MACROD2: variants seen among roughly 807,000 people sequenced by gnomAD.
MACROD2 encodes ADP-ribose glycohydrolase MACROD2.
A neutral mutation model predicts 70.4 loss-of-function variants in MACROD2; 36 were observed. The ratio of observed to expected loss-of-function variants is 0.51; its 90% CI spans 0.39 to 0.68. MACROD2 has a LOEUF of 0.68. MACROD2 is among the 30% of genes least tolerant of loss of function. The pLI, the probability that MACROD2 is intolerant of heterozygous loss-of-function variation, is 0.00. For missense variants in MACROD2, 496 were observed against 538.4 expected (o/e 0.92, Z 0.78); for synonymous variants, 172 against 178.8 (o/e 0.96, Z 0.30).
intron 2 of MACROD2, among the ~76,000 whole-genome samples, chr20:14,032,901 T>C (rs1022450398): frequency 2.0e-5 from 3 of 152,170 alleles, no homozygotes; most frequent in South Asian, 2.1e-4. Flanking sequence ...TTCTGATCTT[T>C]AGTAAGTGCT....
At chr20:14,737,845 A>T (rs2071686148) in intron 5 of MACROD2, among the ~76,000 whole-genome samples, 1 of 152,160 alleles carries the variant, frequency 6.6e-6, no homozygotes, top group African/African-American at 2.4e-5. Context: ...GATTCTGGAT[A>T]TTAGCCCTTT....
At chr20:15,742,805 T>G (rs1028214117) in intron 8 of MACROD2, among the ~76,000 whole-genome samples, 1 of 152,202 alleles carries the variant, frequency 6.6e-6, no homozygotes, top group Admixed American at 6.5e-5. Context: ...TCATCATACA[T>G]TCATTTCAAT....
intron 3 of MACROD2, among the ~76,000 whole-genome samples, chr20:14,165,933 G>A (rs1194735013): frequency 6.6e-6 from 1 of 152,144 alleles, no homozygotes; most frequent in Non-Finnish European, 1.5e-5. Context: ...TAGTGTTACT[G>A]TTACCATGAT....
rs564081175 is a variant in MACROD2, at chr20:14,812,697, C to T, written c.418+127738C>T. On this transcript the variant is annotated intron_variant, in intron 5 of 17. Coordinates refer to ENST00000684519, the MANE Select transcript of MACROD2 (RefSeq NM_001351661.2). ...AGGAAAAACCAAAGTGTTTTTTCTC[C>T]GCTCAAACATCACTCAACACAACAC... Among the ~76,000 whole-genome samples, 23 of 152,078 alleles carry T rather than the reference C, an allele frequency of 1.5e-4. No homozygotes were observed. In the South Asian group the frequency reaches 2.7e-3, roughly 18 times the overall value.
intron 8 of MACROD2, among the ~76,000 whole-genome samples, chr20:15,620,781 G>T (rs564361030): frequency 0.01 from 1,531 of 152,024 alleles, 13 homozygotes; most frequent in Non-Finnish European, 0.014. Flanking sequence ...CTGTTTTTTT[G>T]TTTGTTTGTT....
intron 5 of MACROD2, among the ~76,000 whole-genome samples, chr20:14,856,315 C>T (rs886885167): frequency 3.3e-5 from 5 of 152,032 alleles, no homozygotes; most frequent in African/African-American, 4.8e-5. Context: ...AAAGTCTAGA[C>T]GCTGTAAGAT....
chr20:15,234,154 C>CT (rs1490967340), intron 6 of MACROD2, among the ~76,000 whole-genome samples: 1 of 139,834 alleles, frequency 7.2e-6, no homozygotes, highest in Non-Finnish European at 1.6e-5. Context: ...GCCTCAGCCT[C>CT]CCGAGTAGCT....
At chr20:14,325,105 A>G (rs2082712747) in intron 3 of MACROD2, 1 of 151,696 alleles carries the variant, frequency 6.6e-6, no homozygotes, top group Admixed American at 6.6e-5. Flanking sequence ...TCATTCAGCC[A>G]TTCAGCCAGT....
intron 5 of MACROD2, among the ~76,000 whole-genome samples, chr20:14,849,589 G>A (rs981004309): frequency 1.3e-5 from 2 of 152,048 alleles, no homozygotes; most frequent in Non-Finnish European, 2.9e-5. Context: ...AAACCAGCCT[G>A]GCCAACACGG....
At chr20:15,782,672 A>G (rs926633997) in intron 8 of MACROD2, among the ~76,000 whole-genome samples, 3 of 149,282 alleles carry the variant, frequency 2.0e-5, no homozygotes, top group African/African-American at 4.9e-5. Flanking sequence ...ACCCAAATCC[A>G]AGGAGAGGGG....
At chr20:14,102,233 A>G (rs1180072693) in intron 3 of MACROD2, among the ~76,000 whole-genome samples, 1 of 151,546 alleles carries the variant, frequency 6.6e-6, no homozygotes, top group Non-Finnish European at 1.5e-5. Flanking sequence ...CAATCTCCTG[A>G]CCTTGTGATC....
chr20:15,488,709 A>G (rs1248155516), intron 7 of MACROD2, among the ~76,000 whole-genome samples: 4 of 152,214 alleles, frequency 2.6e-5, no homozygotes, highest in African/African-American at 9.7e-5. Context: ...TTCATCTCTC[A>G]GTAGATCCCA....
At chr20:15,043,713 C>A (rs1050937293) in intron 5 of MACROD2, among the ~76,000 whole-genome samples, 6 of 152,148 alleles carry the variant, frequency 3.9e-5, no homozygotes, top group African/African-American at 1.4e-4. Context: ...TGATTATGGC[C>A]TCCACTTCAG....
At chr20:14,712,706 G>A (rs928136427) in intron 5 of MACROD2, among the ~76,000 whole-genome samples, 1 of 152,154 alleles carries the variant, frequency 6.6e-6, no homozygotes, top group African/African-American at 2.4e-5. Context: ...GACTTTTAGG[G>A]AGCTTGAATT....
chr20:14,899,397 T>A (rs1228512962), intron 5 of MACROD2, among the ~76,000 whole-genome samples: 1 of 152,146 alleles, frequency 6.6e-6, no homozygotes, highest in Non-Finnish European at 1.5e-5. Context: ...GGTGCTGGGT[T>A]TGCTTTTTTC....
chr20:15,566,501 A>G (rs1418936430), intron 8 of MACROD2, among the ~76,000 whole-genome samples: 1 of 151,312 alleles, frequency 6.6e-6, no homozygotes, highest in African/African-American at 2.4e-5. Context: ...CTGTCTCCAA[A>G]AAAAAAAAAG....
intron 5 of MACROD2, among the ~76,000 whole-genome samples, chr20:15,144,465 TGACTTTGA>T (rs1284003234): frequency 3.3e-5 from 5 of 152,228 alleles, no homozygotes; most frequent in African/African-American, 9.6e-5. Context: ...TGTCACATAG[TGACTTTGA>T]AACTTTGAAA....
chr20:15,713,986 T>TTCACAC (rs2050666598), intron 8 of MACROD2, among the ~76,000 whole-genome samples: 1 of 97,418 alleles, frequency 1.0e-5, no homozygotes, highest in Non-Finnish European at 2.1e-5. Flanking sequence ...CACACACATA[T>TTCACAC]GCACACACAC....
chr20:15,096,168 G>A (rs2075830360), intron 5 of MACROD2, among the ~76,000 whole-genome samples: 1 of 152,092 alleles, frequency 6.6e-6, no homozygotes. Flanking sequence ...GAGCTTGCCA[G>A]TAGCAGCAGC....
Sources: allele counts gnomAD v4.1 joint callset (sites outside exome capture counted in the v4.1 genomes callset), GRCh38; gene constraint gnomAD v4.1.1; transcripts MANE v1.5; gene names NCBI Gene and HGNC (gene_info 2026-07-23, HGNC 2026-07-21).